Variants in NEO1 observed in about 807,000 individuals in gnomAD.
The protein encoded by NEO1 is neogenin.
NEO1 carries 63 observed loss-of-function variants against 159.7 expected under a neutral mutation model. The observed-to-expected ratio is 0.39, with a 90% CI of 0.32 to 0.49. The LOEUF (loss-of-function observed/expected upper bound fraction) is 0.49. Ranked by LOEUF, NEO1 falls within the 20% of genes least tolerant of loss-of-function variation. The pLI is 0.85. For missense variants in NEO1, 1,615 were observed against 1,831.0 expected, an observed-to-expected ratio of 0.88 and a Z score of 2.15; for synonymous variants, 633 against 662.0, an observed-to-expected ratio of 0.96 and a Z score of 0.67.
chr15:73,287,398 T>C (rs1440553527), intron 23 of NEO1, among the ~76,000 whole-genome samples: 1 of 152,260 alleles, frequency 6.6e-6, no homozygotes, highest in African/African-American at 2.4e-5. Context: ...TCAACGTCTG[T>C]ATTCCTCACT....
chr15:73,073,047 T>C (rs1439439031), intron 1 of NEO1, among the ~76,000 whole-genome samples: 2 of 152,126 alleles, frequency 1.3e-5, no homozygotes, highest in Admixed American at 6.5e-5. Context: ...CTTTGTGATA[T>C]CCAGGGGCAG....
intron 1 of NEO1, among the ~76,000 whole-genome samples, chr15:73,084,162 TA>T (rs542689537): frequency 8.7e-5 from 13 of 150,052 alleles, no homozygotes; most frequent in East Asian, 3.9e-4. Context: ...AAAGTATAAT[TA>T]AAAAAAAAAT....
At chr15:73,203,450 C>G (rs1362992046) in intron 7 of NEO1, among the ~76,000 whole-genome samples, 1 of 151,964 alleles carries the variant, frequency 6.6e-6, no homozygotes. Context: ...ATATTTAGGC[C>G]AGTTACATTT....
chr15:73,087,248 G>T (rs781106154), intron 1 of NEO1, among the ~76,000 whole-genome samples: 84 of 152,262 alleles, frequency 5.5e-4, no homozygotes, highest in Non-Finnish European at 1.1e-3. Context: ...TTCTGCATCT[G>T]TTGATAAGAT....
chr15:73,098,060 T>C (rs1178774402), intron 1 of NEO1, among the ~76,000 whole-genome samples: 1 of 147,084 alleles, frequency 6.8e-6, no homozygotes, highest in East Asian at 1.9e-4. Context: ...ATCAGTAAAG[T>C]TACTCATTTG....
chr15:73,140,113 C>G (rs1253548990), intron 5 of NEO1, among the ~76,000 whole-genome samples: 1 of 152,230 alleles, frequency 6.6e-6, no homozygotes, highest in Admixed American at 6.5e-5. Context: ...TGGGATATCA[C>G]TGTATTCCAC....
At chr15:73,124,256 T>C (rs2071841677) in intron 3 of NEO1, among the ~76,000 whole-genome samples, 1 of 149,644 alleles carries the variant, frequency 6.7e-6, no homozygotes. Flanking sequence ...TAGAGATGGA[T>C]TTTGCCATAT....
chr15:73,088,100 T>C (rs1567165701), intron 1 of NEO1, among the ~76,000 whole-genome samples: 1 of 152,060 alleles, frequency 6.6e-6, no homozygotes, highest in African/African-American at 2.4e-5. Flanking sequence ...TTAAAAAGTA[T>C]GTTTATATCT....
intron 23 of NEO1, 38 bp from the exon 24 acceptor site, chr15:73,288,275 A>G (rs374406754): frequency 1.4e-5 from 22 of 1,566,210 alleles, no homozygotes; most frequent in African/African-American, 2.7e-5. Context: ...CGTTCAAATG[A>G]GTTACTTTTT....
rs1371741560 is a variant in NEO1, at chr15:73,298,521, T to C, written c.4075T>C (p.Leu1359=). 5.0e-6 allele frequency: 8 copies of C among 1,614,104 alleles called. No homozygotes were observed. Among genetic ancestry groups the C allele is most frequent in the Non-Finnish European group, 5.9e-6 (7 of 1,180,002 alleles). The change falls in exon 27 of 29, where the codon TTG becomes CTG. Residue 1359 remains leucine, a synonymous_variant. Transcript: ENST00000261908. ...TGCCCATGTTCGCCCTTCCCACCCA[T>C]TGAAGAGCTTCGCCGTGCCAGCAAT... ...PTAHVRPSHP[L]KSFAVPAIPP... is the part of the protein sequence containing the mutation.
At chr15:73,301,233 C>A in intron 27 of NEO1, 88 bp from the exon 28 acceptor site, 3 of 1,552,106 alleles carry the variant, frequency 1.9e-6, no homozygotes, top group South Asian at 2.4e-5. Context: ...TCTCTCTCAC[C>A]CCGAAGCAGC....
intron 5 of NEO1, among the ~76,000 whole-genome samples, chr15:73,167,929 A>G (rs1304243604): frequency 6.6e-6 from 1 of 152,188 alleles, no homozygotes; most frequent in East Asian, 1.9e-4. Context: ...ATTTTACATC[A>G]TCATAAACAT....
chr15:73,194,610 G>A (rs1043579286), intron 7 of NEO1, among the ~76,000 whole-genome samples: 1 of 152,158 alleles, frequency 6.6e-6, no homozygotes, highest in African/African-American at 2.4e-5. Context: ...GGCCATTCCT[G>A]AGGGTTCTGT....
Position 73,288,494 on chromosome 15 carries a change from A to G in NEO1, c.3592A>G (p.Thr1198Ala), listed in dbSNP as rs376505130. 3.1e-6 allele frequency: 5 copies of G among 1,614,034 alleles called. No individual in the cohort carries two copies. In the African/African-American group the frequency reaches 4.0e-5, roughly 13 times the overall value. The change falls in exon 24 of 29, where the codon ACA becomes GCA. Residue 1198 changes from threonine (T) to alanine (A), a missense_variant. By Grantham distance (58) the Thr-to-Ala change is moderately conservative (BLOSUM62 0). Around this residue, in one of 3 missense-constraint regions of NEO1, gnomAD observed 471 missense variants for 498.9 expected, o/e 0.94. Transcript: ENST00000261908. ...TPIPRNSQDI[T>A]PVDNSMDSNI... ...AATTCCTCGCAACTCTCAAGATATC[A>G]CACCAGTTGACAACTCCATGGACAG...
At chr15:73,290,425 G>T (rs1398406776) in intron 25 of NEO1, among the ~76,000 whole-genome samples, 5 of 151,506 alleles carry the variant, frequency 3.3e-5, no homozygotes, top group Admixed American at 6.6e-5. Context: ...TAGACACGGG[G>T]TTTCACCATA....
At chr15:73,257,112 A>C (rs1348698824) in intron 13 of NEO1, among the ~76,000 whole-genome samples, 4 of 130,618 alleles carry the variant, frequency 3.1e-5, no homozygotes, top group African/African-American at 5.8e-5. Context: ...AGCCTGGGCA[A>C]CAGAGAGAGA....
chr15:73,260,230 G>A (rs2040559982), intron 14 of NEO1, 41 bp from the exon 15 acceptor site: 2 of 1,559,876 alleles, frequency 1.3e-6, no homozygotes. Context: ...TATTTTAAAG[G>A]ACAGTATATC....
At chr15:73,241,792 G>A (rs2039498587) in intron 8 of NEO1, among the ~76,000 whole-genome samples, 2 of 152,016 alleles carry the variant, frequency 1.3e-5, no homozygotes, top group Admixed American at 1.3e-4. Context: ...ACTTGTTTCT[G>A]GGACCTCAGA....
intron 12 of NEO1, 51 bp downstream of exon 12, chr15:73,253,500 T>C (rs1457869680): frequency 7.8e-7 from 1 of 1,281,700 alleles, no homozygotes; most frequent in South Asian, 1.6e-5. Context: ...CTGTTGCGCC[T>C]CAGAGGGGCT....
Sources: allele counts gnomAD v4.1 joint callset (sites outside exome capture counted in the v4.1 genomes callset), GRCh38; gene constraint gnomAD v4.1.1; regional missense constraint gnomAD v4.1.1; transcripts MANE v1.5; gene names NCBI Gene and HGNC (gene_info 2026-07-23, HGNC 2026-07-21).